Variants in KCNIP4 observed in about 807,000 individuals in gnomAD.
KCNIP4 encodes the protein potassium voltage-gated channel interacting protein 4.
In KCNIP4, 12 loss-of-function variants were observed where a neutral mutation model predicts 34.0. The observed-to-expected ratio is 0.35, with a 90% CI of 0.23 to 0.57. The LOEUF (loss-of-function observed/expected upper bound fraction) is 0.57, where lower values mean the gene tolerates loss of function less well. Among genes scored for constraint, KCNIP4 ranks in the 20% least tolerant of loss-of-function variants. The pLI, the probability that KCNIP4 is intolerant of heterozygous loss-of-function variation, is 0.83. For missense variants in KCNIP4, 238 were observed against 311.7 expected, an observed-to-expected ratio of 0.76 and a Z score of 1.78; for synonymous variants, 124 against 102.2, an observed-to-expected ratio of 1.21 and a Z score of -1.29.
chr4:21,382,953 C>T (rs1721654875), intron 1 of KCNIP4, among the ~76,000 whole-genome samples: 1 of 152,148 alleles, frequency 6.6e-6, no homozygotes, highest in Non-Finnish European at 1.5e-5. Flanking sequence ...GCCAGTACCT[C>T]AGAATATGAC....
chr4:21,004,745 C>A (rs190939458), intron 1 of KCNIP4, among the ~76,000 whole-genome samples: 3 of 152,212 alleles, frequency 2.0e-5, no homozygotes, highest in Admixed American at 1.3e-4. Context: ...AAAGTGACTT[C>A]ATTTTTGCAA....
intron 1 of KCNIP4, among the ~76,000 whole-genome samples, chr4:21,665,519 C>T (rs201594997): frequency 2.0e-5 from 3 of 149,600 alleles, no homozygotes; most frequent in Non-Finnish European, 3.0e-5. Flanking sequence ...GCACCCCCCC[C>T]CCCTCATTTT....
In KCNIP4 at chr4:21,924,876, G is replaced by T. The variant is rs187051416; in HGVS notation, c.61+23695C>A. ...TCCCTGGCCCCCAATTGTTTAAGTT[G>T]AGTTTGATCATGCTACTCCATTGGT... is the stretch of plus-strand genomic sequence containing the variant. On this transcript the variant is annotated intron_variant, in intron 1 of 8. Coordinates refer to ENST00000382152, the MANE Select transcript of KCNIP4 (RefSeq NM_025221.6). Among the ~76,000 whole-genome samples the T allele has an allele frequency of 5.4e-3, 823 of 151,940 alleles. 7 individuals carry two copies. The highest frequency in any genetic ancestry group is 4.4e-3 in the Non-Finnish European group (301 of 67,954).
chr4:21,063,241 G>T lies in KCNIP4; in HGVS notation c.62-180532C>A, dbSNP rs1483254442. 5.3e-5 allele frequency among the ~76,000 whole-genome samples: 8 copies of T among 152,208 alleles called. 1 individual carries two copies. In the East Asian group the frequency reaches 1.6e-3, roughly 29 times the overall value. ...TTCTTGTCTTACAGTAAGACAATAA[G>T]TGTCTGTTGCTTAAGCCACCCAGTT... On this transcript the variant is annotated intron_variant, in intron 1 of 8. Coordinates refer to ENST00000382152, the MANE Select transcript of KCNIP4 (RefSeq NM_025221.6).
At chr4:21,661,126 C>G (rs1560602852) in intron 1 of KCNIP4, among the ~76,000 whole-genome samples, 1 of 152,138 alleles carries the variant, frequency 6.6e-6, no homozygotes. Context: ...TCTGGGACGA[C>G]AGGCAAGGAC....
chr4:21,755,260 T>C (rs1717427141), intron 1 of KCNIP4, among the ~76,000 whole-genome samples: 1 of 152,160 alleles, frequency 6.6e-6, no homozygotes, highest in African/African-American at 2.4e-5. Context: ...ATCTATAAGG[T>C]AGGGCTGAGG....
intron 1 of KCNIP4, among the ~76,000 whole-genome samples, chr4:21,298,656 A>G (rs956793722): frequency 6.6e-6 from 1 of 152,074 alleles, no homozygotes; most frequent in African/African-American, 2.4e-5. Flanking sequence ...CCAGATCCCA[A>G]CTAAAGTGTG....
intron 1 of KCNIP4, among the ~76,000 whole-genome samples, chr4:20,919,610 G>T (rs183766498): frequency 2.6e-5 from 4 of 151,196 alleles, no homozygotes; most frequent in Admixed American, 1.3e-4. Flanking sequence ...GGCTGAGGCA[G>T]GAGAATGGCG....
chr4:21,224,172 G>A (rs538328106), intron 1 of KCNIP4, among the ~76,000 whole-genome samples: 37 of 152,070 alleles, frequency 2.4e-4, no homozygotes, highest in African/African-American at 6.5e-4. Context: ...TTGGGTTGCC[G>A]TAACAAAAAT....
At chr4:21,886,466 C>T (rs7683672) in intron 1 of KCNIP4, among the ~76,000 whole-genome samples, 144,443 of 152,166 alleles carry the variant, frequency 0.95, 69,033 homozygotes, top group East Asian at 1. Flanking sequence ...AAATGTACTG[C>T]CCCTCTTCAA....
chr4:21,550,276 T>C (rs762628083), intron 1 of KCNIP4, among the ~76,000 whole-genome samples: 1 of 152,086 alleles, frequency 6.6e-6, no homozygotes, highest in African/African-American at 2.4e-5. Context: ...GATTAACTGC[T>C]GGTCAGATGA....
intron 1 of KCNIP4, among the ~76,000 whole-genome samples, chr4:21,447,088 G>A (rs1165797827): frequency 1.3e-5 from 2 of 151,878 alleles, no homozygotes; most frequent in Non-Finnish European, 2.9e-5. Context: ...ACTTGCCATA[G>A]ACATATTAGC....
chr4:21,136,661 G>C (rs997037353), intron 1 of KCNIP4, among the ~76,000 whole-genome samples: 1 of 152,096 alleles, frequency 6.6e-6, no homozygotes, highest in South Asian at 2.1e-4. Context: ...TCTATATTAA[G>C]AGACATGGCA....
At chr4:21,071,435 T>C (rs1487843187) in intron 1 of KCNIP4, among the ~76,000 whole-genome samples, 1 of 152,150 alleles carries the variant, frequency 6.6e-6, no homozygotes, top group Non-Finnish European at 1.5e-5. Context: ...GGTTCTTTGT[T>C]CTGTTTCTTT....
At chr4:21,467,567 C>A (rs767135140) in intron 1 of KCNIP4, among the ~76,000 whole-genome samples, 10 of 152,066 alleles carry the variant, frequency 6.6e-5, no homozygotes, top group Non-Finnish European at 1.2e-4. Context: ...AGGAAGGAAG[C>A]AACAAAAGGT....
intron 1 of KCNIP4, among the ~76,000 whole-genome samples, chr4:21,262,892 T>C (rs1761564035): frequency 6.6e-6 from 1 of 152,228 alleles, no homozygotes; most frequent in Non-Finnish European, 1.5e-5. Flanking sequence ...ACATGGACTG[T>C]ATCCTTTTAA....
intron 1 of KCNIP4, among the ~76,000 whole-genome samples, chr4:21,501,111 T>A (rs2109888316): frequency 6.6e-6 from 1 of 152,278 alleles, no homozygotes; most frequent in South Asian, 2.1e-4. Flanking sequence ...AGGCACCTCC[T>A]CATGTTCTCT....
At chr4:21,391,625 A>G (rs182223555) in intron 1 of KCNIP4, among the ~76,000 whole-genome samples, 15 of 152,160 alleles carry the variant, frequency 9.9e-5, no homozygotes, top group Admixed American at 5.2e-4. Context: ...GCCTCACTTG[A>G]CGCCATTCCC....
intron 1 of KCNIP4, among the ~76,000 whole-genome samples, chr4:21,102,618 T>C (rs992622083): frequency 1.3e-5 from 2 of 152,228 alleles, no homozygotes; most frequent in Non-Finnish European, 2.9e-5. Flanking sequence ...CAATTTATTT[T>C]AATTGATATA....
Sources: allele counts gnomAD v4.1 joint callset (sites outside exome capture counted in the v4.1 genomes callset), GRCh38; gene constraint gnomAD v4.1.1; transcripts MANE v1.5; gene names NCBI Gene and HGNC (gene_info 2026-07-23, HGNC 2026-07-21).